Variants in SEMA5B observed in about 807,000 individuals in gnomAD.
SEMA5B encodes the protein semaphorin 5B.
Under a neutral mutation model 135.0 loss-of-function variants are expected in SEMA5B, and 66 were observed. That is an observed-to-expected ratio of 0.49 (90% CI 0.40 to 0.60). The LOEUF (loss-of-function observed/expected upper bound fraction) is 0.60, where lower values mean the gene tolerates loss of function less well. Ranked by LOEUF, SEMA5B falls within the 20% of genes least tolerant of loss-of-function variation. SEMA5B has a pLI of 0.00. For synonymous variants in SEMA5B, 690 were observed against 639.5 expected (o/e 1.08, Z -1.19); for missense variants, 1,501 against 1,566.3 (o/e 0.96, Z 0.70).
chr3:122,928,622 C>G lies in SEMA5B; in HGVS notation c.538-7G>C, dbSNP rs1317507246. The G allele has an allele frequency of 6.4e-7, 1 of 1,550,898 alleles. No homozygotes were observed. The highest frequency in any genetic ancestry group is 1.2e-5 in the South Asian group (1 of 83,922). On this transcript the variant is annotated splice_polypyrimidine_tract_variant and splice_region_variant and intron_variant, in intron 6 of 22. Coordinates refer to ENST00000357599, the MANE Select transcript of SEMA5B (RefSeq NM_001031702.4). The stretch of plus-strand genomic sequence containing the variant: ...CGTAGTTCTGACACTCCTCCTGAGG[C>G]AGGAAGGAAAGGAGCAGACAGCACA...
chr3:122,913,788 G>T, intron 15 of SEMA5B, 70 bp downstream of exon 15: 1 of 1,566,424 alleles, frequency 6.4e-7, no homozygotes. Flanking sequence ...GGGATCACGA[G>T]GAGAATCCAG....
chr3:122,928,729 G>A, intron 6 of SEMA5B, 114 bp from the exon 7 acceptor site: 1 of 847,014 alleles, frequency 1.2e-6, no homozygotes, highest in Admixed American at 2.4e-5. Context: ...CACTCCCCTT[G>A]ACCCCAGATC....
chr3:122,993,465 C>T (rs763294516), intron 1 of SEMA5B, among the ~76,000 whole-genome samples: 2 of 152,204 alleles, frequency 1.3e-5, no homozygotes, highest in African/African-American at 2.4e-5. Flanking sequence ...CCAACTTTGG[C>T]TGGACCAGAG....
chr3:122,986,310 C>T (rs1000479134), intron 1 of SEMA5B, among the ~76,000 whole-genome samples: 20 of 152,190 alleles, frequency 1.3e-4, no homozygotes, highest in African/African-American at 3.6e-4. Flanking sequence ...CTGCAACATA[C>T]AATTTGATAT....
chr3:122,973,765 C>T (rs576285440), intron 1 of SEMA5B, among the ~76,000 whole-genome samples: 2 of 152,106 alleles, frequency 1.3e-5, no homozygotes, highest in Admixed American at 1.3e-4. Flanking sequence ...AATCTGCAAC[C>T]CACCAAGTGT....
At chr3:123,005,677 C>G (rs146469297) in intron 1 of SEMA5B, among the ~76,000 whole-genome samples, 2 of 152,146 alleles carry the variant, frequency 1.3e-5, no homozygotes, top group Non-Finnish European at 2.9e-5. Flanking sequence ...ACTCCTTGGC[C>G]ACCAGAATGT....
rs1403997886 is a variant in SEMA5B, at chr3:122,909,155, T to C, written c.*988A>G. Reference sequence around the variant, plus strand: ...TGCATTGCTCAGATTGCCTAGACTATGCAAGAGGAGCCCACGCACAGATGC... The same window carrying C: ...TGCATTGCTCAGATTGCCTAGACTACGCAAGAGGAGCCCACGCACAGATGC... On this transcript the variant is annotated 3_prime_UTR_variant, in exon 23 of 23. Transcript: ENST00000357599. 1 of 152,666 alleles carries C rather than the reference T, an allele frequency of 6.6e-6. No individual in the cohort carries two copies. Among genetic ancestry groups the C allele is most frequent in the Non-Finnish European group, 1.5e-5 (1 of 68,038 alleles). 9.5% of individuals were successfully genotyped at this position (152,666 alleles called of 1,614,324 possible).
At chr3:122,958,500 C>T (rs1940434480) in intron 2 of SEMA5B, among the ~76,000 whole-genome samples, 3 of 152,150 alleles carry the variant, frequency 2.0e-5, no homozygotes, top group Non-Finnish European at 2.9e-5. Context: ...TGGGCTTCTC[C>T]GTGGGGGTGG....
At chr3:122,953,904 T>C (rs910432114) in intron 2 of SEMA5B, among the ~76,000 whole-genome samples, 1 of 152,172 alleles carries the variant, frequency 6.6e-6, no homozygotes, top group African/African-American at 2.4e-5. Flanking sequence ...ATCCCAGCCA[T>C]AGCTGCTTAT....
At chr3:123,001,476 C>A (rs369410043) in intron 1 of SEMA5B, among the ~76,000 whole-genome samples, 1 of 152,284 alleles carries the variant, frequency 6.6e-6, no homozygotes, top group South Asian at 2.1e-4. Flanking sequence ...AATCTTTAAA[C>A]CTTTTTCCCT....
intron 5 of SEMA5B, among the ~76,000 whole-genome samples, chr3:122,936,587 G>A (rs1424221520): frequency 6.6e-6 from 1 of 152,218 alleles, no homozygotes; most frequent in East Asian, 1.9e-4. Flanking sequence ...CCTCCAGCCA[G>A]GTCGTCCCAT....
chr3:122,970,694 G>A (rs1355882922), intron 1 of SEMA5B, among the ~76,000 whole-genome samples: 1 of 152,206 alleles, frequency 6.6e-6, no homozygotes, highest in Non-Finnish European at 1.5e-5. Flanking sequence ...CAGCCTTCCT[G>A]CAAGGTAGGT....
chr3:122,965,485 C>T (rs892561096), intron 1 of SEMA5B, among the ~76,000 whole-genome samples: 2 of 152,216 alleles, frequency 1.3e-5, no homozygotes, highest in South Asian at 2.1e-4. Context: ...TCCTCCCTTG[C>T]ATTTGAATGT....
intron 2 of SEMA5B, among the ~76,000 whole-genome samples, chr3:122,949,068 A>G (rs764359195): frequency 2.0e-5 from 3 of 152,252 alleles, no homozygotes; most frequent in Non-Finnish European, 4.4e-5. Context: ...TCCATAACTC[A>G]TACTTTATAT....
chr3:123,026,192 G>T (rs1469172166), intron 1 of SEMA5B, among the ~76,000 whole-genome samples: 2 of 152,200 alleles, frequency 1.3e-5, no homozygotes, highest in Non-Finnish European at 2.9e-5. Flanking sequence ...GAGAAGGTAG[G>T]ATCGTGGTGA....
intron 1 of SEMA5B, among the ~76,000 whole-genome samples, chr3:122,976,311 T>C (rs895128878): frequency 2.0e-5 from 3 of 151,984 alleles, no homozygotes; most frequent in African/African-American, 7.2e-5. Context: ...CCCAGTAATC[T>C]GTGTTTTAAC....
At chr3:122,922,155 C>T in intron 11 of SEMA5B, 33 bp from the exon 12 acceptor site, 1 of 1,547,530 alleles carries the variant, frequency 6.5e-7, no homozygotes. Context: ...CCAAGGTGGC[C>T]TTGAAGGCCC....
Position 122,927,527 on chromosome 3 carries a change from A to G in SEMA5B, c.850+263T>C, listed in dbSNP as rs527616986. ...TTTCTTATCCATAACTTGTTTTCCT[A>G]AACAATTCCTAATTATCTCCGTCTC... On this transcript the variant is annotated intron_variant, in intron 8 of 22. Transcript: ENST00000357599. Among the ~76,000 whole-genome samples the G allele has an allele frequency of 2.6e-5, 4 of 152,214 alleles. No individual in the cohort carries two copies. The South Asian group carries it at 8.3e-4, about 32-fold the overall frequency.
intron 1 of SEMA5B, among the ~76,000 whole-genome samples, chr3:122,995,186 G>A (rs548479531): frequency 9.8e-5 from 15 of 152,310 alleles, no homozygotes; most frequent in African/African-American, 3.4e-4. Context: ...ATCGGGTGGT[G>A]GGGGTGGAGA....
Sources: gnomAD v4.1 joint callset for allele counts (sites outside exome capture counted in the v4.1 genomes callset) on GRCh38, gnomAD v4.1.1 for gene constraint, MANE v1.5 for transcripts, NCBI Gene and HGNC (gene_info 2026-07-23, HGNC 2026-07-21) for gene names.